Variants in GALNT13 observed in about 807,000 individuals in gnomAD.
GALNT13 encodes the protein polypeptide N-acetylgalactosaminyltransferase 13.
GALNT13 carries 28 observed loss-of-function variants against 64.2 expected under a neutral mutation model. The ratio of observed to expected loss-of-function variants is 0.44; its 90% confidence interval spans 0.32 to 0.60. The LOEUF (loss-of-function observed/expected upper bound fraction) is 0.60. Ranked by LOEUF, GALNT13 falls within the 20% of genes least tolerant of loss-of-function variation. The pLI is 0.05. For missense variants in GALNT13, 577 were observed against 669.8 expected, an observed-to-expected ratio of 0.86 and a Z score of 1.53; for synonymous variants, 214 against 224.6, an observed-to-expected ratio of 0.95 and a Z score of 0.42.
At chr2:153,636,494 A>G in the GALNT13 span, among the ~76,000 whole-genome samples, 1 of 152,182 alleles carries the variant, frequency 6.6e-6, no homozygotes, top group Admixed American at 6.5e-5. Flanking sequence ...TTAGCAGAAA[A>G]TAATAATAGT....
intron 1 of GALNT13, among the ~76,000 whole-genome samples, chr2:153,885,489 C>T (rs1242202937): frequency 1.3e-5 from 2 of 151,936 alleles, no homozygotes; most frequent in African/African-American, 4.8e-5. Context: ...TAAAAATGCA[C>T]ATTACAAGAT....
At chr2:153,388,523 G>A in the GALNT13 span, among the ~76,000 whole-genome samples, 16 of 152,018 alleles carry the variant, frequency 1.1e-4, no homozygotes, top group Admixed American at 9.8e-4. Flanking sequence ...TAGGTCTATG[G>A]AACATTCTTA....
At chr2:154,424,318 G>A (rs1167364210) in intron 11 of GALNT13, among the ~76,000 whole-genome samples, 3 of 152,106 alleles carry the variant, frequency 2.0e-5, no homozygotes, top group Non-Finnish European at 4.4e-5. Flanking sequence ...ACTTGCAAAC[G>A]GAGTGACTTT....
chr2:153,086,972 A>C, the GALNT13 span, among the ~76,000 whole-genome samples: 5,852 of 152,046 alleles, frequency 0.038, 209 homozygotes, highest in East Asian at 0.17. Flanking sequence ...GATGCCCTTT[A>C]TTTCTTTCTC....
chr2:154,396,528 G>A (rs992064404), intron 10 of GALNT13, among the ~76,000 whole-genome samples: 1 of 152,096 alleles, frequency 6.6e-6, no homozygotes. Flanking sequence ...ACATGTTAAT[G>A]TAAGTAACAT....
At chr2:154,032,864 C>CCT (rs372400322) in intron 3 of GALNT13, among the ~76,000 whole-genome samples, 1 of 110,110 alleles carries the variant, frequency 9.1e-6, no homozygotes, top group Non-Finnish European at 1.8e-5. Flanking sequence ...CCTACATTTC[C>CCT]TTTTTTTTTT....
chr2:154,118,427 A>G (rs1452676906), intron 3 of GALNT13, among the ~76,000 whole-genome samples: 4 of 151,598 alleles, frequency 2.6e-5, no homozygotes, highest in South Asian at 2.1e-4. Flanking sequence ...AGTGAAGTCA[A>G]TCTCTTTTTA....
At chr2:153,824,909 C>T in the GALNT13 span, among the ~76,000 whole-genome samples, 1 of 152,118 alleles carries the variant, frequency 6.6e-6, no homozygotes. Context: ...TTGAAAGTTT[C>T]CTGAGGTCTC....
At chr2:153,077,836 A>C in the GALNT13 span, among the ~76,000 whole-genome samples, 1 of 152,134 alleles carries the variant, frequency 6.6e-6, no homozygotes, top group Non-Finnish European at 1.5e-5. Context: ...TTAAGGTCTA[A>C]TTGGTTTGTT....
intron 4 of GALNT13, among the ~76,000 whole-genome samples, chr2:154,183,299 A>C (rs1260715425): frequency 6.6e-6 from 1 of 152,050 alleles, no homozygotes; most frequent in African/African-American, 2.4e-5. Context: ...AGGTTATCCA[A>C]TTTGTTTGAG....
the GALNT13 span, among the ~76,000 whole-genome samples, chr2:153,122,899 T>C: frequency 8.6e-5 from 13 of 151,844 alleles, no homozygotes; most frequent in Non-Finnish European, 1.6e-4. Context: ...GCAGATGTAA[T>C]TGAGTTAAAA....
the GALNT13 span, among the ~76,000 whole-genome samples, chr2:153,132,367 T>C: frequency 2.0e-5 from 3 of 152,126 alleles, no homozygotes; most frequent in African/African-American, 7.2e-5. Context: ...AGTTTGAACT[T>C]TTGATTTATT....
chr2:153,758,072 G>A, the GALNT13 span, among the ~76,000 whole-genome samples: 5 of 152,016 alleles, frequency 3.3e-5, no homozygotes, highest in African/African-American at 1.2e-4. Context: ...TTGTTGTATA[G>A]TTTTCCCCTG....
chr2:153,756,082 A>T, the GALNT13 span, among the ~76,000 whole-genome samples: 1 of 152,152 alleles, frequency 6.6e-6, no homozygotes. Flanking sequence ...GTATATTTGA[A>T]GAAGTCTGGT....
chr2:153,150,420 G>C, the GALNT13 span, among the ~76,000 whole-genome samples: 2 of 151,966 alleles, frequency 1.3e-5, no homozygotes, highest in Non-Finnish European at 2.9e-5. Context: ...CCATTCTGTA[G>C]GTTGCCTGTT....
At chr2:154,352,497 G>A (rs150935555) in intron 9 of GALNT13, among the ~76,000 whole-genome samples, 117 of 152,324 alleles carry the variant, frequency 7.7e-4, no homozygotes, top group African/African-American at 2.6e-3. Flanking sequence ...AAGGCTCACA[G>A]CCAATGAGGT....
chr2:154,188,014 TTCTCTCTCTCTCTCTCTC>T (rs10635676), intron 4 of GALNT13, among the ~76,000 whole-genome samples: 4 of 144,344 alleles, frequency 2.8e-5, no homozygotes, highest in African/African-American at 5.1e-5. Context: ...GCATCAGGCA[TTCTCTCTCTCTCTCTCTC>T]TCTCTCTCTC....
intron 7 of GALNT13, among the ~76,000 whole-genome samples, chr2:154,250,391 G>A (rs1260951083): frequency 6.6e-6 from 1 of 151,832 alleles, no homozygotes; most frequent in East Asian, 1.9e-4. Context: ...CCCCACATAG[G>A]TTTTAATGGC....
the GALNT13 span, among the ~76,000 whole-genome samples, chr2:153,151,121 GTTTGTATCCCC>G: frequency 6.6e-6 from 1 of 152,046 alleles, no homozygotes; most frequent in African/African-American, 2.4e-5. Context: ...TCTTCCATTT[GTTTGTATCCCC>G]TTTTATTTCC....
Sources: gnomAD v4.1 joint callset for allele counts (sites outside exome capture counted in the v4.1 genomes callset) on GRCh38, gnomAD v4.1.1 for gene constraint, MANE v1.5 for transcripts, NCBI Gene and HGNC (gene_info 2026-07-23, HGNC 2026-07-21) for gene names.